Variants in GNB4 observed in about 807,000 individuals in gnomAD.
GNB4 encodes the protein guanine nucleotide-binding protein subunit beta-4.
GNB4 carries 28 observed loss-of-function variants against 45.2 expected under a neutral mutation model. The ratio of observed to expected loss-of-function variants is 0.62; its 90% CI spans 0.46 to 0.85. GNB4 has a LOEUF of 0.85. Among genes scored for constraint, GNB4 ranks in the 40% least tolerant of loss-of-function variants. The pLI, the probability that GNB4 is intolerant of heterozygous loss-of-function variation, is 0.00. For synonymous variants in GNB4, 132 were observed against 143.7 expected (o/e 0.92, Z 0.58); for missense variants, 321 against 425.4 (o/e 0.75, Z 2.16).
intron 1 of GNB4, among the ~76,000 whole-genome samples, chr3:179,444,841 G>A (rs113500237): frequency 2.1e-3 from 316 of 152,094 alleles, no homozygotes; most frequent in Middle Eastern, 0.01. Flanking sequence ...TATAATTTAC[G>A]TCACATGCCA....
At chr3:179,468,035 A>AAAAAATATATATATATATATATATATAT in the GNB4 span, among the ~76,000 whole-genome samples, 17 of 89,866 alleles carry the variant, frequency 1.9e-4, 1 homozygote, top group African/African-American at 6.8e-4. Flanking sequence ...TGTTGATAAA[A>AAAAAATATATATATATATATATATATAT]ATATATATAT....
the GNB4 span, among the ~76,000 whole-genome samples, chr3:179,505,617 T>C: frequency 6.6e-6 from 1 of 152,220 alleles, no homozygotes; most frequent in African/African-American, 2.4e-5. Context: ...TGAGTCGGTG[T>C]CTCTCCATGT....
the GNB4 span, among the ~76,000 whole-genome samples, chr3:179,471,156 G>C: frequency 7.0e-6 from 1 of 143,460 alleles, no homozygotes; most frequent in African/African-American, 2.6e-5. Context: ...TCCAACCTGG[G>C]CAACAGAGCG....
the GNB4 span, among the ~76,000 whole-genome samples, chr3:179,473,528 T>C: frequency 6.6e-6 from 1 of 152,096 alleles, no homozygotes; most frequent in Non-Finnish European, 1.5e-5. Flanking sequence ...CTTGACCTCC[T>C]GGGCTCAAGC....
the GNB4 span, among the ~76,000 whole-genome samples, chr3:179,520,748 C>T: frequency 2.0e-5 from 3 of 152,172 alleles, no homozygotes; most frequent in Admixed American, 6.5e-5. Context: ...ACACCTGACC[C>T]CCATGATTGT....
At chr3:179,519,241 C>T in the GNB4 span, among the ~76,000 whole-genome samples, 1 of 152,222 alleles carries the variant, frequency 6.6e-6, no homozygotes, top group African/African-American at 2.4e-5. Flanking sequence ...TCAGACTGTT[C>T]AACTCACCCG....
intron 5 of GNB4, among the ~76,000 whole-genome samples, chr3:179,415,568 T>C (rs1240999868): frequency 6.6e-6 from 1 of 152,152 alleles, no homozygotes; most frequent in Non-Finnish European, 1.5e-5. Context: ...TGATAGTTTT[T>C]TATTGCTCTA....
At chr3:179,435,413 T>A (rs1715416734) in intron 1 of GNB4, among the ~76,000 whole-genome samples, 1 of 142,550 alleles carries the variant, frequency 7.0e-6, no homozygotes, top group East Asian at 2.0e-4. Flanking sequence ...ACTGCCCTCT[T>A]GGGAGGAAGC....
rs1379778037 is a variant in GNB4 at position 179,396,551 on chromosome 3, A to G, written c.*4662T>C. The G allele has an allele frequency of 1.3e-5, 2 of 152,192 alleles. No homozygotes were observed. The allele number at this position is 152,192 out of a possible 1,614,324, so 9.4% of individuals were successfully genotyped here. A position where few individuals can be genotyped will look rare whatever the true frequency, so the allele number is the denominator to read the frequency against. On this transcript the variant is annotated 3_prime_UTR_variant, in exon 10 of 10. Coordinates refer to ENST00000232564, the MANE Select transcript of GNB4 (RefSeq NM_021629.4). ...ACTGAAGTTCTATTAATTAAGAAATAAATACTGTATGATGTAAGATTTTGT... is the reference window on the plus strand; with the variant it reads ...ACTGAAGTTCTATTAATTAAGAAATGAATACTGTATGATGTAAGATTTTGT...
the GNB4 span, among the ~76,000 whole-genome samples, chr3:179,456,726 T>C: frequency 6.6e-6 from 1 of 152,200 alleles, no homozygotes; most frequent in Admixed American, 6.5e-5. Context: ...TATAGTCACC[T>C]CTCTTCCCTA....
rs780807699 is a variant in GNB4 at position 179,426,227 on chromosome 3, T to C, written c.-27A>G. The stretch of plus-strand genomic sequence containing the variant: ...TTTTCAATTTGTTTACCTCAGGAGC[T>C]AATGAGTGAAAACAGCTGTTAAAAA... On this transcript the variant is annotated 5_prime_UTR_variant, in exon 2 of 10. Transcript: ENST00000232564. 2 of 1,554,366 alleles carry C rather than the reference T, an allele frequency of 1.3e-6. No individual in the cohort carries two copies.
At chr3:179,458,799 G>C in the GNB4 span, among the ~76,000 whole-genome samples, 1 of 151,936 alleles carries the variant, frequency 6.6e-6, no homozygotes, top group Non-Finnish European at 1.5e-5. Flanking sequence ...TTGTCCCGAG[G>C]GTGATTGAAT....
chr3:179,431,557 CAAA>C (rs71181291), intron 1 of GNB4, among the ~76,000 whole-genome samples: 1 of 128,552 alleles, frequency 7.8e-6, no homozygotes, highest in Non-Finnish European at 1.6e-5. Flanking sequence ...GACTCTGTCT[CAAA>C]AAAAAAAAAA....
the GNB4 span, among the ~76,000 whole-genome samples, chr3:179,523,782 G>C: frequency 6.6e-6 from 1 of 151,904 alleles, no homozygotes; most frequent in Non-Finnish European, 1.5e-5. Flanking sequence ...GGGTTAAGGT[G>C]GGGGGGATAT....
intron 1 of GNB4, among the ~76,000 whole-genome samples, chr3:179,443,616 A>G (rs1206622050): frequency 2.2e-4 from 33 of 152,178 alleles, no homozygotes; most frequent in Non-Finnish European, 2.8e-4. Context: ...TGTAGATTTC[A>G]TTTTTCTTAA....
the GNB4 span, among the ~76,000 whole-genome samples, chr3:179,524,229 G>A: frequency 6.6e-6 from 1 of 152,276 alleles, no homozygotes; most frequent in Admixed American, 6.5e-5. Flanking sequence ...GAAGGAGTCA[G>A]TCAGAGGGCC....
At chr3:179,480,089 T>C in the GNB4 span, among the ~76,000 whole-genome samples, 1 of 152,162 alleles carries the variant, frequency 6.6e-6, no homozygotes, top group Non-Finnish European at 1.5e-5. Context: ...AAAAGCAAGG[T>C]TTGTGACTCT....
chr3:179,456,247 A>G (rs1715976568), upstream of GNB4, among the ~76,000 whole-genome samples: 1 of 151,934 alleles, frequency 6.6e-6, no homozygotes. Flanking sequence ...ATGTGCCACC[A>G]CATACAGCTA....
chr3:179,496,471 G>A, the GNB4 span, among the ~76,000 whole-genome samples: 2 of 151,832 alleles, frequency 1.3e-5, no homozygotes, highest in African/African-American at 2.4e-5. Context: ...CAAACAAGAC[G>A]GCAATAGTAT....
Sources: gnomAD v4.1 joint callset for allele counts (sites outside exome capture counted in the v4.1 genomes callset) on GRCh38, gnomAD v4.1.1 for gene constraint, MANE v1.5 for transcripts, NCBI Gene and HGNC (gene_info 2026-07-23, HGNC 2026-07-21) for gene names.